Variants in IL23R observed in about 807,000 individuals in gnomAD.
IL23R encodes the protein interleukin 23 receptor, also known as interleukin-23 receptor.
Under a neutral mutation model 56.9 loss-of-function variants are expected in IL23R, and 34 were observed. That is an observed-to-expected ratio of 0.60 (90% CI 0.45 to 0.80). The LOEUF is 0.80. Ranked by LOEUF, IL23R falls within the 30% of genes least tolerant of loss-of-function variation. The pLI, the probability that IL23R is intolerant of heterozygous loss-of-function variation, is 0.00. For missense variants in IL23R, 635 were observed against 730.0 expected, an observed-to-expected ratio of 0.87 and a Z score of 1.50; for synonymous variants, 230 against 249.2, an observed-to-expected ratio of 0.92 and a Z score of 0.73.
chr1:67,153,090 G>T (rs1646742685), intron 1 of IL23R, among the ~76,000 whole-genome samples: 1 of 152,048 alleles, frequency 6.6e-6, no homozygotes, highest in South Asian at 2.1e-4. Context: ...GGCTTTTTTT[G>T]GTTGGTAGCC....
At chr1:67,181,052 A>G (rs1251463793) in intron 3 of IL23R, among the ~76,000 whole-genome samples, 1 of 151,966 alleles carries the variant, frequency 6.6e-6, no homozygotes, top group African/African-American at 2.4e-5. Flanking sequence ...TGTGCTTAAC[A>G]TTTTTTCCTT....
intron 6 of IL23R, among the ~76,000 whole-genome samples, chr1:67,218,315 C>A (rs28462220): frequency 6.2e-5 from 8 of 129,342 alleles, no homozygotes; most frequent in African/African-American, 1.8e-4. Context: ...CATATATACA[C>A]ATATATGCAT....
intron 1 of IL23R, among the ~76,000 whole-genome samples, chr1:67,145,430 T>A (rs1467292083): frequency 6.6e-6 from 1 of 152,172 alleles, no homozygotes; most frequent in African/African-American, 2.4e-5. Context: ...AACTTAACAC[T>A]AAGTATTTTG....
At chr1:67,206,835 T>G in intron 5 of IL23R, 75 bp from the exon 6 acceptor site, 1 of 1,432,882 alleles carries the variant, frequency 7.0e-7, no homozygotes. Flanking sequence ...ATCTAGATAT[T>G]GACGAAAAGA....
intron 9 of IL23R, among the ~76,000 whole-genome samples, chr1:67,245,266 T>C (rs1652141462): frequency 6.6e-6 from 1 of 152,148 alleles, no homozygotes; most frequent in African/African-American, 2.4e-5. Context: ...AGAGACAATT[T>C]GACATCCTCT....
chr1:67,164,918 C>T (rs577879966), upstream of IL23R, among the ~76,000 whole-genome samples: 1 of 151,992 alleles, frequency 6.6e-6, no homozygotes, highest in Non-Finnish European at 1.5e-5. Flanking sequence ...CAAATCAAAA[C>T]TACAATGAGC....
chr1:67,205,276 C>G (rs1648922984), intron 5 of IL23R, among the ~76,000 whole-genome samples: 1 of 152,164 alleles, frequency 6.6e-6, no homozygotes, highest in Non-Finnish European at 1.5e-5. Context: ...TTGTTTTTCT[C>G]TGTAAATCAT....
Position 67,169,537 on chromosome 1 carries a change from A to G in IL23R, c.266A>G (p.Tyr89Cys), listed in dbSNP as rs1047010535. The change falls in exon 3 of 11, where the codon TAT becomes TGT. Residue 89 changes from tyrosine (Y) to cysteine (C), a missense_variant. Tyr to Cys is a radical substitution (Grantham distance 194). Coordinates refer to ENST00000347310, the MANE Select transcript of IL23R (RefSeq NM_144701.3). ...RINKTTARLW[Y>C]KNFLEPHASM... is the part of the protein sequence containing the mutation. ...AATAAAACAACAGCTCGGCTTTGGT[A>G]TAAAAACTTTCTGGAACCACATGCT... 6.2e-7 allele frequency: 1 copy of G among 1,613,988 alleles called. No individual in the cohort carries two copies. Among genetic ancestry groups the G allele is most frequent in the African/African-American group, 1.3e-5 (1 of 75,070 alleles).
intron 4 of IL23R, among the ~76,000 whole-genome samples, chr1:67,195,751 C>T (rs919006844): frequency 6.6e-6 from 1 of 152,118 alleles, no homozygotes. Context: ...GATTCCTTGA[C>T]CACTTGCTGA....
At position 67,168,095 on chromosome 1, in the gene IL23R, G is replaced by T. The variant is rs557459277; in HGVS notation, c.-26G>T. The T allele has an allele frequency of 6.5e-7, 1 of 1,534,048 alleles. No homozygotes were observed. Among genetic ancestry groups the T allele is most frequent in the African/African-American group, 1.4e-5 (1 of 73,312 alleles). ...ATTTTTCATATTTTTTTTCCAGAGG[G>T]AAACAGTCTTTTCCTGCTTCCAGAC... On this transcript the variant is annotated 5_prime_UTR_variant, in exon 2 of 11. Transcript: ENST00000347310.
chr1:67,197,983 C>G (rs969915840), intron 4 of IL23R, among the ~76,000 whole-genome samples: 8 of 151,452 alleles, frequency 5.3e-5, no homozygotes, highest in South Asian at 2.1e-4. Context: ...ACCTGAGGCT[C>G]GGTAATTTAT....
At chr1:67,154,029 A>G (rs887738976) in intron 1 of IL23R, among the ~76,000 whole-genome samples, 24 of 152,124 alleles carry the variant, frequency 1.6e-4, no homozygotes, top group Admixed American at 1.3e-4. Context: ...CGTTCTCCCA[A>G]AGTGCTGGGA....
In IL23R at chr1:67,169,511, T is replaced by G; in HGVS notation, c.240T>G (p.Ile80Met). Residue 80 changes from isoleucine (I) to methionine (M), a missense_variant, in exon 3 of 11, where the codon ATT (isoleucine) becomes ATG (methionine). Coordinates refer to ENST00000347310, the MANE Select transcript of IL23R (RefSeq NM_144701.3). The stretch of plus-strand genomic sequence containing the variant: ...AAGAAAGATTTCAAATCACAAGGAT[T>G]AATAAAACAACAGCTCGGCTTTGGT... ...GIKERFQITR[I>M]NKTTARLWYK... 1 of 1,613,990 alleles carries G rather than the reference T, an allele frequency of 6.2e-7. No homozygotes were observed. The highest frequency in any genetic ancestry group is 8.5e-7 in the Non-Finnish European group (1 of 1,179,894).
In IL23R at chr1:67,259,202, G is replaced by T. The variant is rs1176563589; in HGVS notation, c.*74G>T. 2.1e-6 allele frequency: 3 copies of T among 1,416,456 alleles called. No individual in the cohort carries two copies. The African/African-American group carries it at 4.3e-5, about 20-fold the overall frequency. The allele number at this position is 1,416,456 out of a possible 1,614,324, so 87.7% of individuals were successfully genotyped here. A position where few individuals can be genotyped will look rare whatever the true frequency, so the allele number is the denominator to read the frequency against. On this transcript the variant is annotated 3_prime_UTR_variant, in exon 11 of 11. Transcript: ENST00000347310. The stretch of plus-strand genomic sequence containing the variant: ...TTGGGTTTTCCCTGCAATAGAAATT[G>T]AATTCTGCCTCTTTTTGAAAAAAAT...
chr1:67,186,390 G>C (rs1647334948), intron 4 of IL23R, among the ~76,000 whole-genome samples: 1 of 151,838 alleles, frequency 6.6e-6, no homozygotes, highest in Non-Finnish European at 1.5e-5. Flanking sequence ...CTTATTTAAA[G>C]TATATCATTC....
intron 1 of IL23R, among the ~76,000 whole-genome samples, chr1:67,156,868 A>T (rs1646774055): frequency 6.6e-6 from 1 of 151,412 alleles, no homozygotes; most frequent in Non-Finnish European, 1.5e-5. Flanking sequence ...GTATGAACAA[A>T]CTCCTGCAGC....
chr1:67,184,554 TAAATAAAATAAAATAAATA>T (rs1316782960), intron 4 of IL23R, among the ~76,000 whole-genome samples: 1 of 130,890 alleles, frequency 7.6e-6, no homozygotes, highest in East Asian at 2.2e-4. Context: ...TCTCAAAAAA[TAAATAAAATAAAATAAATA>T]AAATAAAATA....
At chr1:67,162,476 G>GA (rs994038764), upstream of IL23R, among the ~76,000 whole-genome samples, 14 of 150,490 alleles carry the variant, frequency 9.3e-5, no homozygotes, top group South Asian at 6.3e-4. Flanking sequence ...GACAGAGAAA[G>GA]AAAAAAAAAT....
chr1:67,161,400 T>G (rs1386644211), intron 1 of IL23R, among the ~76,000 whole-genome samples: 1 of 152,132 alleles, frequency 6.6e-6, no homozygotes, highest in African/African-American at 2.4e-5. Context: ...TAGGAAGTTA[T>G]AGAAAAGCAA....
Sources: gnomAD v4.1 joint callset for allele counts (sites outside exome capture counted in the v4.1 genomes callset) on GRCh38, gnomAD v4.1.1 for gene constraint, MANE v1.5 for transcripts, NCBI Gene and HGNC (gene_info 2026-07-23, HGNC 2026-07-21) for gene names.